Variants in CDH12 observed in about 807,000 individuals in gnomAD.
The protein encoded by CDH12 is cadherin 12.
A neutral mutation model predicts 74.1 loss-of-function variants in CDH12; 41 were observed. The ratio of observed to expected loss-of-function variants is 0.55; its 90% CI spans 0.43 to 0.72. CDH12 has a LOEUF of 0.72. Among genes scored for constraint, CDH12 ranks in the 30% least tolerant of loss-of-function variants. CDH12 has a pLI of 0.00. For missense variants in CDH12, 945 were observed against 977.2 expected (o/e 0.97, Z 0.44); for synonymous variants, 399 against 355.0 (o/e 1.12, Z -1.39).
intron 1 of CDH12, among the ~76,000 whole-genome samples, chr5:22,839,385 G>A (rs971493385): frequency 1.4e-4 from 16 of 111,804 alleles, no homozygotes; most frequent in African/African-American, 2.1e-4. Context: ...ATGAAGTTTC[G>A]CTCTTGTTGC....
chr5:21,875,695 A>G (rs1751898262), intron 6 of CDH12, among the ~76,000 whole-genome samples: 1 of 55,400 alleles, frequency 1.8e-5, no homozygotes, highest in African/African-American at 6.8e-5. Context: ...AACTTCACTC[A>G]TTGTCATGCT....
chr5:22,747,399 A>C (rs1745345277), intron 1 of CDH12, among the ~76,000 whole-genome samples: 1 of 151,332 alleles, frequency 6.6e-6, no homozygotes, highest in African/African-American at 2.4e-5. Context: ...CAACATGGGC[A>C]GATTGCTTCA....
intron 3 of CDH12, among the ~76,000 whole-genome samples, chr5:22,275,438 G>A (rs1002127505): frequency 6.6e-6 from 1 of 152,058 alleles, no homozygotes; most frequent in South Asian, 2.1e-4. Context: ...ACTCAATCAT[G>A]TTATGAAAAT....
intron 10 of CDH12, among the ~76,000 whole-genome samples, chr5:21,801,600 C>T (rs1416935975): frequency 6.6e-6 from 1 of 152,174 alleles, no homozygotes; most frequent in Non-Finnish European, 1.5e-5. Context: ...TCTTGCAAAG[C>T]ATTTGCTTTG....
At chr5:22,224,580 T>C (rs1263413495) in intron 3 of CDH12, among the ~76,000 whole-genome samples, 1 of 152,074 alleles carries the variant, frequency 6.6e-6, no homozygotes, top group Non-Finnish European at 1.5e-5. Context: ...GTATGTAGTT[T>C]TTAAAAATGT....
intron 3 of CDH12, among the ~76,000 whole-genome samples, chr5:22,242,961 T>A (rs1752803488): frequency 6.6e-6 from 1 of 151,922 alleles, no homozygotes; most frequent in African/African-American, 2.4e-5. Context: ...CCATCCCCGC[T>A]TTTTTTTAAT....
chr5:22,787,126 A>AAC (rs796275532), intron 1 of CDH12, among the ~76,000 whole-genome samples: 1 of 151,168 alleles, frequency 6.6e-6, no homozygotes, highest in South Asian at 2.1e-4. Context: ...GGACCTCTAA[A>AAC]ACACACACAC....
chr5:21,880,501 TCCTC>T (rs1225341086), intron 6 of CDH12, among the ~76,000 whole-genome samples: 10,064 of 25,090 alleles, frequency 0.4, 1,181 homozygotes, highest in East Asian at 0.54. Flanking sequence ...CTTCCTTCCT[TCCTC>T]CCTCCCTCCC....
intron 1 of CDH12, among the ~76,000 whole-genome samples, chr5:22,742,983 C>G (rs1745103870): frequency 6.6e-6 from 1 of 151,464 alleles, no homozygotes; most frequent in Non-Finnish European, 1.5e-5. Context: ...AGGCCTCATT[C>G]AATCAGTTGA....
In CDH12 at chr5:22,116,759, G is replaced by A. The variant is rs147064694; in HGVS notation, c.-186-37897C>T. 2.6e-3 allele frequency among the ~76,000 whole-genome samples: 394 copies of A among 151,600 alleles called. 5 individuals carry two copies. The highest frequency in any genetic ancestry group is 9.0e-3 in the African/African-American group (372 of 41,358). ...TTCACTTCTGTATATAATAAATGGT[G>A]TTTTAAGCCACTACATTGGTGATCA... On this transcript the variant is annotated intron_variant, in intron 4 of 14. Coordinates refer to ENST00000382254, the MANE Select transcript of CDH12 (RefSeq NM_004061.5).
intron 1 of CDH12, among the ~76,000 whole-genome samples, chr5:22,634,196 A>G (rs1010503204): frequency 2.0e-5 from 3 of 152,194 alleles, no homozygotes; most frequent in African/African-American, 7.2e-5. Flanking sequence ...ACACATGAAA[A>G]TATAGACTAT....
rs533928305 is a variant in CDH12 at position 21,898,658 on chromosome 5, C to T, written c.527-43868G>A. ...CTGAGGTTGAAATGAGCTGAGATCG[C>T]GCCACTGCTCTTCAGCCTGGCAACA... On this transcript the variant is annotated intron_variant, in intron 6 of 14. Transcript: ENST00000382254. Among the ~76,000 whole-genome samples, 42 of 151,948 alleles carry T rather than the reference C, an allele frequency of 2.8e-4. 1 individual carries two copies. Among genetic ancestry groups the T allele is most frequent in the African/African-American group, 6.5e-4 (27 of 41,466 alleles).
At position 22,704,232 on chromosome 5, in the gene CDH12, G is replaced by A. The variant is rs186226000; in HGVS notation, c.-523+148826C>T. Among the ~76,000 whole-genome samples the A allele has an allele frequency of 4.2e-4, 64 of 152,250 alleles. No homozygotes were observed. In the East Asian group the frequency reaches 0.012, roughly 28 times the overall value. The stretch of plus-strand genomic sequence containing the variant: ...TATATATACAGAGAGGCAGCGAAAG[G>A]CAGCAGCAGGAGAAGCTGGAGAGAG... On this transcript the variant is annotated intron_variant, in intron 1 of 14. Transcript: ENST00000382254.
intron 1 of CDH12, among the ~76,000 whole-genome samples, chr5:22,728,904 AG>A (rs1744294785): frequency 6.6e-6 from 1 of 151,834 alleles, no homozygotes; most frequent in South Asian, 2.1e-4. Flanking sequence ...GGGTTTGAAT[AG>A]ATCAGTTCTG....
At chr5:22,086,476 T>C (rs555874010) in intron 4 of CDH12, among the ~76,000 whole-genome samples, 1 of 152,258 alleles carries the variant, frequency 6.6e-6, no homozygotes, top group South Asian at 2.1e-4. Flanking sequence ...CCTGAGTAGC[T>C]GGGATTACAG....
chr5:22,313,539 T>C (rs540598024), intron 3 of CDH12, among the ~76,000 whole-genome samples: 1 of 152,328 alleles, frequency 6.6e-6, no homozygotes, highest in Admixed American at 6.5e-5. Flanking sequence ...AGCTCTTAGC[T>C]TAAGTAAACC....
chr5:22,748,108 G>C (rs960651768), intron 1 of CDH12, among the ~76,000 whole-genome samples: 5 of 151,974 alleles, frequency 3.3e-5, no homozygotes, highest in Non-Finnish European at 5.9e-5. Flanking sequence ...CTATTTGAAA[G>C]GTATATTTAA....
At chr5:22,598,799 C>T (rs1283327794) in intron 1 of CDH12, among the ~76,000 whole-genome samples, 1 of 152,184 alleles carries the variant, frequency 6.6e-6, no homozygotes, top group East Asian at 1.9e-4. Flanking sequence ...TACACATATG[C>T]ACACAGCCCT....
chr5:22,122,028 T>TA lies in CDH12; in HGVS notation c.-186-43167dup, dbSNP rs920112437. 5.4e-3 allele frequency among the ~76,000 whole-genome samples: 815 copies of TA among 149,638 alleles called. 6 individuals carry two copies. The highest frequency in any genetic ancestry group is 0.017 in the African/African-American group (706 of 40,898). The stretch of plus-strand genomic sequence containing the variant: ...GAATCTGATCCCACATGGCAGCAAT[T>TA]AAAAAAAAAATACTTATTAGGTCAT... On this transcript the variant is annotated intron_variant, in intron 4 of 14. Coordinates refer to ENST00000382254, the MANE Select transcript of CDH12 (RefSeq NM_004061.5).
Sources: gnomAD v4.1 joint callset for allele counts (sites outside exome capture counted in the v4.1 genomes callset) on GRCh38, gnomAD v4.1.1 for gene constraint, MANE v1.5 for transcripts, NCBI Gene and HGNC (gene_info 2026-07-23, HGNC 2026-07-21) for gene names.